Variants in OAS3 observed in about 807,000 individuals in gnomAD.
OAS3 encodes 2'-5'-oligoadenylate synthase 3.
A neutral mutation model predicts 113.0 loss-of-function variants in OAS3; 107 were observed. The observed-to-expected ratio is 0.95, with a 90% CI of 0.81 to 1.11. OAS3 has a LOEUF of 1.11. Ranked by LOEUF, OAS3 falls within the 50% of genes most tolerant of loss-of-function variation. The pLI is 0.00. For missense variants in OAS3, 1,258 were observed against 1,389.1 expected (o/e 0.91, Z 1.50); for synonymous variants, 552 against 573.6 (o/e 0.96, Z 0.54).
In OAS3 at chr12:112,950,770, G is replaced by C. The variant is rs374859759; in HGVS notation, c.1452G>C (p.Thr484=). 1.2e-5 allele frequency: 20 copies of C among 1,613,886 alleles called. No homozygotes were observed. The highest frequency in any genetic ancestry group is 1.7e-5 in the Non-Finnish European group (20 of 1,179,902). The change falls in exon 7 of 16, where the codon ACG becomes ACC. Residue 484 remains threonine (T), a synonymous_variant. Transcript: ENST00000228928. ...VELIIFLNCF[T]DYKDQGPRRA... ...TCATCATCTTCCTCAACTGCTTCAC[G>C]GACTACAAGGACCAGGGGCCCCGCC...
chr12:112,956,982 G>T (rs2043840975), intron 7 of OAS3, among the ~76,000 whole-genome samples: 1 of 152,192 alleles, frequency 6.6e-6, no homozygotes, highest in African/African-American at 2.4e-5. Context: ...AAGTATCTTT[G>T]TAGGTCTCTA....
intron 7 of OAS3, among the ~76,000 whole-genome samples, chr12:112,951,778 C>G (rs569081700): frequency 8.0e-4 from 117 of 145,648 alleles, no homozygotes; most frequent in African/African-American, 2.5e-3. Flanking sequence ...GGGCAGGTCA[C>G]TTGAGGTCAG....
At chr12:112,961,756 C>T (rs2043888991) in intron 8 of OAS3, among the ~76,000 whole-genome samples, 1 of 152,044 alleles carries the variant, frequency 6.6e-6, no homozygotes, top group African/African-American at 2.4e-5. Flanking sequence ...AGCAGATCTA[C>T]TCCAAGGCTT....
rs999457804 is a variant in OAS3 at position 112,941,830 on chromosome 12, G to T, written c.438G>T (p.Leu146=). The T allele has an allele frequency of 5.0e-6, 8 of 1,613,884 alleles. No individual in the cohort carries two copies. The African/African-American group carries it at 6.7e-5, about 13-fold the overall frequency. ...VDLEDWMDVS[L]VPAFNVLGQA... is the part of the protein sequence containing the mutation. The stretch of plus-strand genomic sequence containing the variant: ...TTGAGGACTGGATGGATGTTAGCCT[G>T]GTGCCTGCCTTCAATGTCCTGGGTG... The change falls in exon 2 of 16, where the codon CTG becomes CTT. Residue 146 remains leucine (L), a synonymous_variant. Transcript: ENST00000228928.
intron 7 of OAS3, among the ~76,000 whole-genome samples, chr12:112,951,469 T>G (rs2043791960): frequency 6.6e-6 from 1 of 152,170 alleles, no homozygotes; most frequent in African/African-American, 2.4e-5. Flanking sequence ...ACATGCATAA[T>G]TTTTATTATC....
intron 12 of OAS3, among the ~76,000 whole-genome samples, chr12:112,966,291 G>A (rs937572907): frequency 6.6e-6 from 1 of 152,210 alleles, no homozygotes; most frequent in African/African-American, 2.4e-5. Context: ...CATGCTGGAT[G>A]ACCTTGAACA....
At chr12:112,958,346 A>G (rs1465633565) in intron 7 of OAS3, among the ~76,000 whole-genome samples, 3 of 152,222 alleles carry the variant, frequency 2.0e-5, no homozygotes, top group African/African-American at 7.2e-5. Flanking sequence ...CTCTCAACTC[A>G]TCAAAGTCAT....
rs757258052 is a variant in OAS3 at position 112,962,912 on chromosome 12, C to T, written c.2084+10C>T. ...AGCTTCGAAAACCCAGGTGAAGACC[C>T]GCTTCCCTTTGCCTGGCTTCATTAT... is the stretch of plus-strand genomic sequence containing the variant. On this transcript the variant is annotated intron_variant, in intron 9 of 15. Coordinates refer to ENST00000228928, the MANE Select transcript of OAS3 (RefSeq NM_006187.4). 23 of 1,611,960 alleles carry T rather than the reference C, an allele frequency of 1.4e-5. No homozygotes were observed. Among genetic ancestry groups the T allele is most frequent in the Admixed American group, 1.0e-4 (6 of 59,974 alleles).
rs1222012242 is a variant in OAS3 at position 112,949,171 on chromosome 12, A to G, written c.1340A>G (p.Glu447Gly). The G allele has an allele frequency of 1.2e-5, 20 of 1,613,282 alleles. No individual in the cohort carries two copies. The highest frequency in any genetic ancestry group is 1.5e-5 in the Non-Finnish European group (18 of 1,179,880). ...AIDIILRCLH[E>G]NCVHKASRVS... ...GACATCATCTTGCGCTGCCTCCATG[A>G]GAACTGTGTTCACAAGGCCTCAAGA... Residue 447 changes from glutamate to glycine, a missense_variant, in exon 6 of 16, where the codon GAG (glutamate) becomes GGG (glycine). Coordinates refer to ENST00000228928, the MANE Select transcript of OAS3 (RefSeq NM_006187.4).
At chr12:112,940,379 G>A (rs1211366200) in intron 1 of OAS3, among the ~76,000 whole-genome samples, 1 of 152,172 alleles carries the variant, frequency 6.6e-6, no homozygotes, top group Non-Finnish European at 1.5e-5. Context: ...TTTACTGGCT[G>A]TGTAACTCAT....
rs201659392 is a variant in OAS3 at position 112,962,727 on chromosome 12, A to C, written c.1909A>C (p.Ile637Leu). 2 of 1,613,724 alleles carry C rather than the reference A, an allele frequency of 1.2e-6. No individual in the cohort carries two copies. The highest frequency in any genetic ancestry group is 2.2e-5 in the East Asian group (1 of 44,890). ...AGCCTATGCCCTGGAGCTCCTCACCATCTTTGCCTGGGAGCAGGGCTGCAG... is the reference window on the plus strand; with the variant it reads ...AGCCTATGCCCTGGAGCTCCTCACCCTCTTTGCCTGGGAGCAGGGCTGCAG... The part of the protein sequence containing the change: ...PPAYALELLT[I>L]FAWEQGCRQD... Residue 637 changes from isoleucine to leucine, a missense_variant, in exon 9 of 16, where the codon ATC (isoleucine) becomes CTC (leucine). By Grantham distance (5) the Ile-to-Leu change is conservative (BLOSUM62 2). Coordinates refer to ENST00000228928, the MANE Select transcript of OAS3 (RefSeq NM_006187.4).
Position 112,972,682 on chromosome 12 carries a change from G to C in OAS3, c.*2709G>C, listed in dbSNP as rs894186720. ...TACGTAAATAGACCAATGCAGTTAG[G>C]TGGCTCTTTCCAAGACTCTGGGGAA... On this transcript the variant is annotated 3_prime_UTR_variant, in exon 16 of 16. Transcript: ENST00000228928. The C allele has an allele frequency of 6.6e-6, 1 of 152,188 alleles. No individual in the cohort carries two copies. The highest frequency in any genetic ancestry group is 2.4e-5 in the African/African-American group (1 of 41,436). 9.4% of individuals were successfully genotyped at this position (152,188 alleles called of 1,614,324 possible).
intron 10 of OAS3, 82 bp from the exon 11 acceptor site, chr12:112,964,153 C>T: frequency 7.1e-7 from 1 of 1,416,030 alleles, no homozygotes. Context: ...GAGTCTTGTC[C>T]TCAGAGGACA....
At chr12:112,946,722 C>T in intron 3 of OAS3, 21 bp from the exon 4 acceptor site, 1 of 1,582,494 alleles carries the variant, frequency 6.3e-7, no homozygotes, top group Non-Finnish European at 8.6e-7. Context: ...TTCTGAGTCC[C>T]CTGCCGATGC....
At chr12:112,944,439 A>G in intron 2 of OAS3, 37 bp from the exon 3 acceptor site, 1 of 1,612,606 alleles carries the variant, frequency 6.2e-7, no homozygotes, top group Non-Finnish European at 8.5e-7. Flanking sequence ...CTGTGTCCTC[A>G]GTGCCCTCCC....
chr12:112,961,106 G>T lies in OAS3; in HGVS notation c.1693G>T (p.Val565Phe). ...LSSGTKPNPQVYSRLLTSGCQ... is the reference protein window; with the variant it reads ...LSSGTKPNPQFYSRLLTSGCQ... ...TTCTGGCACCAAACCAAATCCCCAG[G>T]TCTACTCGAGGCTCCTCACCAGTGG... Residue 565 changes from valine (V) to phenylalanine (F), a missense_variant, in exon 8 of 16, where the codon GTC (valine) becomes TTC (phenylalanine). Physicochemically the swap from Val to Phe is conservative, Grantham distance 50. Transcript: ENST00000228928. The T allele has an allele frequency of 1.2e-6, 2 of 1,613,822 alleles. No homozygotes were observed. The highest frequency in any genetic ancestry group is 1.1e-5 in the South Asian group (1 of 91,012).
At chr12:112,951,839 CAAA>C (rs3038125) in intron 7 of OAS3, among the ~76,000 whole-genome samples, 24,067 of 105,644 alleles carry the variant, frequency 0.23, 2,049 homozygotes, top group African/African-American at 0.35. Flanking sequence ...ACTAAAAATA[CAAA>C]AAAAAAAAAA....
chr12:112,951,627 C>T (rs935507869), intron 7 of OAS3, among the ~76,000 whole-genome samples: 2 of 151,976 alleles, frequency 1.3e-5, no homozygotes, highest in Non-Finnish European at 2.9e-5. Flanking sequence ...AAACTGTAGT[C>T]AGAAAACATA....
At chr12:112,940,065 A>C (rs540909835) in intron 1 of OAS3, among the ~76,000 whole-genome samples, 184 of 152,270 alleles carry the variant, frequency 1.2e-3, no homozygotes, top group African/African-American at 4.2e-3. Flanking sequence ...TCTGGAGCAC[A>C]ATCTCCCTGT....
Sources: gnomAD v4.1 joint callset for allele counts (sites outside exome capture counted in the v4.1 genomes callset) on GRCh38, gnomAD v4.1.1 for gene constraint, MANE v1.5 for transcripts, NCBI Gene and HGNC (gene_info 2026-07-23, HGNC 2026-07-21) for gene names.